The following A1CF variants were observed in gnomAD, a reference collection of about 807,000 sequenced individuals.
A1CF encodes APOBEC1 complementation factor.
A neutral mutation model predicts 68.9 loss-of-function variants in A1CF; 48 were observed. The observed-to-expected ratio is 0.70, with a 90% CI of 0.55 to 0.89. The LOEUF is 0.89. Ranked by LOEUF, A1CF falls within the 40% of genes least tolerant of loss-of-function variation. A1CF has a pLI of 0.00. For missense variants in A1CF, 653 were observed against 718.9 expected, an observed-to-expected ratio of 0.91 and a Z score of 1.05; for synonymous variants, 272 against 260.4, an observed-to-expected ratio of 1.04 and a Z score of -0.43.
At chr10:50,813,780 G>C (rs1838233363) in intron 10 of A1CF, 77 bp downstream of exon 10, 1 of 1,487,290 alleles carries the variant, frequency 6.7e-7, no homozygotes. Context: ...TAGGGATCAA[G>C]TCAAATCATT....
chr10:50,858,788 TA>T (rs1336453437), intron 3 of A1CF, among the ~76,000 whole-genome samples: 1 of 152,040 alleles, frequency 6.6e-6, no homozygotes, highest in African/African-American at 2.4e-5. Context: ...TTTTAAGTAT[TA>T]AAAAAACTAA....
At chr10:50,875,579 C>T (rs1261412550) in intron 1 of A1CF, among the ~76,000 whole-genome samples, 2 of 152,216 alleles carry the variant, frequency 1.3e-5, no homozygotes, top group Non-Finnish European at 2.9e-5. Flanking sequence ...CTAACAGTCT[C>T]TTTATCCAGA....
rs1840957261 is a variant in A1CF at position 50,865,672 on chromosome 10, G to A, written c.-93-1592C>T. Reference sequence around the variant, plus strand: ...TCTTACACTTCCAGTTTCTCTGCTTGGAATCTCTTTTCCTTCCCATGCCTC... The same window carrying A: ...TCTTACACTTCCAGTTTCTCTGCTTAGAATCTCTTTTCCTTCCCATGCCTC... On this transcript the variant is annotated intron_variant, in intron 1 of 12. Coordinates refer to ENST00000373997, the MANE Select transcript of A1CF (RefSeq NM_014576.4). 3.3e-5 allele frequency among the ~76,000 whole-genome samples: 5 copies of A among 152,142 alleles called. No individual in the cohort carries two copies. In the East Asian group the frequency reaches 5.8e-4, roughly 18 times the overall value.
intron 9 of A1CF, among the ~76,000 whole-genome samples, chr10:50,814,850 T>C (rs985588769): frequency 6.6e-6 from 1 of 152,204 alleles, no homozygotes; most frequent in Non-Finnish European, 1.5e-5. Context: ...AATGAGGTGA[T>C]TTTATATTCT....
chr10:50,818,386 T>C (rs1415187368), intron 8 of A1CF, among the ~76,000 whole-genome samples: 4 of 151,958 alleles, frequency 2.6e-5, no homozygotes, highest in African/African-American at 9.7e-5. Flanking sequence ...TTTTGATTTT[T>C]CCATACCACA....
intron 9 of A1CF, 90 bp from the exon 10 acceptor site, chr10:50,814,128 A>T: frequency 6.8e-7 from 1 of 1,479,956 alleles, no homozygotes; most frequent in Non-Finnish European, 9.3e-7. Context: ...TCTTACTGTA[A>T]TGGAAAAGTT....
rs1325432832 is a variant in A1CF, at chr10:50,814,625, T to C, written c.1142-587A>G. On this transcript the variant is annotated intron_variant, in intron 9 of 12. Transcript: ENST00000373997. Reference sequence around the variant, plus strand: ...TTAAATTTCCATTGAGTTTCATGCATAGATTCCTTTTGATTTTTGTTTTGC... The same window carrying C: ...TTAAATTTCCATTGAGTTTCATGCACAGATTCCTTTTGATTTTTGTTTTGC... Among the ~76,000 whole-genome samples the C allele has an allele frequency of 7.9e-5, 12 of 152,226 alleles. 1 individual carries two copies. The highest frequency in any genetic ancestry group is 7.9e-4 in the Admixed American group (12 of 15,282).
intron 3 of A1CF, 88 bp downstream of exon 3, chr10:50,859,754 C>A: frequency 1.8e-6 from 2 of 1,124,544 alleles, no homozygotes; most frequent in Non-Finnish European, 2.6e-6. Context: ...TGTAACTGAC[C>A]ATTCCCATTT....
chr10:50,829,987 G>A (rs949745609), intron 6 of A1CF, among the ~76,000 whole-genome samples: 1 of 152,136 alleles, frequency 6.6e-6, no homozygotes, highest in Non-Finnish European at 1.5e-5. Context: ...ATGTATACAT[G>A]TAAAATGATT....
chr10:50,833,671 G>T (rs941825335), intron 6 of A1CF, among the ~76,000 whole-genome samples: 6 of 152,134 alleles, frequency 3.9e-5, no homozygotes, highest in Non-Finnish European at 7.4e-5. Context: ...GTTCTCAAAG[G>T]GTTGGCAATT....
rs562280521 is a variant in A1CF, at chr10:50,845,479, T to A, written c.100-1357A>T. On this transcript the variant is annotated intron_variant, in intron 3 of 12. Coordinates refer to ENST00000373997, the MANE Select transcript of A1CF (RefSeq NM_014576.4). ...TAATGTCATGGGTTAAGGACAGTTA[T>A]TATCCCATTTACATAAGGTATCAAA... is the stretch of plus-strand genomic sequence containing the variant. Among the ~76,000 whole-genome samples the A allele has an allele frequency of 6.6e-5, 10 of 152,340 alleles. No homozygotes were observed. The South Asian group carries it at 2.1e-3, about 32-fold the overall frequency.
intron 8 of A1CF, among the ~76,000 whole-genome samples, chr10:50,819,148 T>C (rs1002385724): frequency 2.0e-5 from 3 of 152,224 alleles, no homozygotes; most frequent in Admixed American, 2.0e-4. Context: ...TCCTTAATGG[T>C]GGGGTCTCAC....
rs1837570943 is a variant in A1CF at position 50,800,856 on chromosome 10, T to G, written c.*5873A>C. On this transcript the variant is annotated 3_prime_UTR_variant, in exon 13 of 13. Transcript: ENST00000373997. ...GAACAATCATAATGATGAAATCAAATGCAAGGGAATTAGTGTTGGAGCAAA... is the reference window on the plus strand; with the variant it reads ...GAACAATCATAATGATGAAATCAAAGGCAAGGGAATTAGTGTTGGAGCAAA... The G allele has an allele frequency of 6.6e-6, 1 of 152,172 alleles. No homozygotes were observed. The highest frequency in any genetic ancestry group is 1.5e-5 in the Non-Finnish European group (1 of 68,020). The allele number at this position is 152,172 out of a possible 1,614,324, so 9.4% of individuals were successfully genotyped here. A position where few individuals can be genotyped will look rare whatever the true frequency, so the allele number is the denominator to read the frequency against.
intron 3 of A1CF, chr10:50,850,904 T>C: frequency 7.2e-7 from 1 of 1,381,218 alleles, no homozygotes; most frequent in Non-Finnish European, 9.7e-7. Flanking sequence ...TAGGCCCATC[T>C]AACTTTTTTG....
chr10:50,846,673 C>T (rs1421940131), intron 3 of A1CF, among the ~76,000 whole-genome samples: 1 of 152,144 alleles, frequency 6.6e-6, no homozygotes, highest in Non-Finnish European at 1.5e-5. Flanking sequence ...CTTCAACTTT[C>T]TTGATTGCTA....
intron 1 of A1CF, among the ~76,000 whole-genome samples, chr10:50,865,875 C>A (rs1272007356): frequency 1.3e-5 from 2 of 152,180 alleles, no homozygotes; most frequent in Non-Finnish European, 2.9e-5. Flanking sequence ...TATTTATTGG[C>A]TTACATGTCT....
Position 50,844,024 on chromosome 10 carries a change from G to A in A1CF, c.198C>T (p.Asp66=), listed in dbSNP as rs1398456840. Residue 66 remains aspartate, a synonymous_variant, in exon 4 of 13, where the codon GAC becomes GAT. Coordinates refer to ENST00000373997, the MANE Select transcript of A1CF (RefSeq NM_014576.4). ...CEIFIGKLPR[D]LFEDELIPLC... The stretch of plus-strand genomic sequence containing the variant: ...ATGGTATAAGCTCATCCTCAAAAAG[G>A]TCTCGGGGAAGTTTTCCAATAAAAA... The A allele has an allele frequency of 1.9e-6, 3 of 1,613,668 alleles. No homozygotes were observed. Among genetic ancestry groups the A allele is most frequent in the Admixed American group, 1.7e-5 (1 of 59,960 alleles).
chr10:50,883,035 C>G (rs562133276), intron 1 of A1CF, among the ~76,000 whole-genome samples: 11 of 152,172 alleles, frequency 7.2e-5, no homozygotes, highest in African/African-American at 2.7e-4. Flanking sequence ...TGCTTTAATA[C>G]TAAAAAAATT....
intron 11 of A1CF, among the ~76,000 whole-genome samples, chr10:50,810,646 C>T (rs539923848): frequency 1.2e-4 from 18 of 152,192 alleles, no homozygotes; most frequent in African/African-American, 2.4e-4. Flanking sequence ...TGACTACAGG[C>T]GCCTGCCTGT....
Sources: gnomAD v4.1 joint callset for allele counts (sites outside exome capture counted in the v4.1 genomes callset) on GRCh38, gnomAD v4.1.1 for gene constraint, MANE v1.5 for transcripts, NCBI Gene and HGNC (gene_info 2026-07-23, HGNC 2026-07-21) for gene names.